Variants in TOMM70 observed in about 807,000 individuals in gnomAD.
The protein encoded by TOMM70 is translocase of outer mitochondrial membrane 70.
A neutral mutation model predicts 73.6 loss-of-function variants in TOMM70; 13 were observed. The ratio of observed to expected loss-of-function variants is 0.18; its 90% confidence interval spans 0.11 to 0.28. The LOEUF is 0.28. TOMM70 is among the 10% of genes least tolerant of loss of function. TOMM70 has a pLI of 1.00. For missense variants in TOMM70, 609 were observed against 747.5 expected, an observed-to-expected ratio of 0.81 and a Z score of 2.16; for synonymous variants, 257 against 271.2, an observed-to-expected ratio of 0.95 and a Z score of 0.51.
rs532818335 is a variant in TOMM70 at position 100,363,954 on chromosome 3, T to C, written c.*1610A>G. The C allele has an allele frequency of 1.1e-4, 17 of 152,292 alleles. No individual in the cohort carries two copies. Among genetic ancestry groups the C allele is most frequent in the African/African-American group, 4.1e-4 (17 of 41,552 alleles). The allele number at this position is 152,292 out of a possible 1,614,324, so 9.4% of individuals were successfully genotyped here. A position where few individuals can be genotyped will look rare whatever the true frequency, so the allele number is the denominator to read the frequency against. ...AAAAAAGATAGCATTTGTAGACAAA[T>C]CTTTTTGGTTTCAACAGAATTAAGC... is the stretch of plus-strand genomic sequence containing the variant. On this transcript the variant is annotated 3_prime_UTR_variant, in exon 12 of 12. Coordinates refer to ENST00000284320, the MANE Select transcript of TOMM70 (RefSeq NM_014820.5).
intron 1 of TOMM70, among the ~76,000 whole-genome samples, chr3:100,391,085 G>A (rs1403734175): frequency 6.6e-6 from 1 of 152,050 alleles, no homozygotes; most frequent in Non-Finnish European, 1.5e-5. Flanking sequence ...CGCTTGCAGT[G>A]AGCCGAGATG....
chr3:100,384,561 C>G lies in TOMM70; in HGVS notation c.653G>C (p.Gly218Ala), dbSNP rs1363383988. ...EDVTAVCILE[G>A]FQNQQSMLLA... ...CAGCATGCTTTGTTGATTTTGGAAC[C>G]CTTCTAATATACACACAGCAGTGAC... Residue 218 changes from glycine to alanine, a missense_variant, in exon 4 of 12, where the codon GGG (glycine) becomes GCG (alanine). By Grantham distance (60) the Gly-to-Ala change is moderately conservative. This residue lies in a region of TOMM70 where 432 missense variants were observed against 584.1 expected (regional missense o/e 0.74). Coordinates refer to ENST00000284320, the MANE Select transcript of TOMM70 (RefSeq NM_014820.5). The G allele has an allele frequency of 6.2e-7, 1 of 1,608,090 alleles. No individual in the cohort carries two copies. The highest frequency in any genetic ancestry group is 8.5e-7 in the Non-Finnish European group (1 of 1,177,902).
intron 9 of TOMM70, chr3:100,372,056 A>G (rs1706515857): frequency 6.6e-6 from 1 of 152,258 alleles, no homozygotes; most frequent in Non-Finnish European, 1.5e-5. Context: ...CGTCACTACA[A>G]GAAGCTAATC....
At position 100,376,369 on chromosome 3, in the gene TOMM70, G is replaced by GTTTTTTTTTTTTTTTTTTTTTT. The variant is rs141227349; in HGVS notation, c.1093-1218_1093-1217insAAAAAAAAAAAAAAAAAAAAAA. Reference sequence around the variant, plus strand: ...CTTGATGGTGTCTTTTCACACAGAAGTTTTTTTTTTTTTTTGAGACAGGAT... The same window carrying GTTTTTTTTTTTTTTTTTTTTTT: ...CTTGATGGTGTCTTTTCACACAGAAGTTTTTTTTTTTTTTTTTTTTTTTTTTTTTTTTTTTTTGAGACAGGAT... On this transcript the variant is annotated intron_variant, in intron 6 of 11. Coordinates refer to ENST00000284320, the MANE Select transcript of TOMM70 (RefSeq NM_014820.5). Among the ~76,000 whole-genome samples the GTTTTTTTTTTTTTTTTTTTTTT allele has an allele frequency of 8.8e-4, 107 of 121,744 alleles. 12 individuals carry two copies. The highest frequency in any genetic ancestry group is 3.6e-3 in the African/African-American group (97 of 27,038). The allele number at this position is 121,744 out of a possible 152,430, so 79.9% of individuals were successfully genotyped here.
chr3:100,395,800 G>C (rs1373252500), intron 1 of TOMM70, among the ~76,000 whole-genome samples: 1 of 152,134 alleles, frequency 6.6e-6, no homozygotes, highest in Non-Finnish European at 1.5e-5. Flanking sequence ...TGGTGAACAA[G>C]ATAGAGCCAG....
chr3:100,387,262 C>T (rs904234480), intron 1 of TOMM70, among the ~76,000 whole-genome samples: 2 of 152,050 alleles, frequency 1.3e-5, no homozygotes, highest in Admixed American at 6.6e-5. Flanking sequence ...GCCTGGGCAA[C>T]GTGTCGGAAC....
At chr3:100,395,176 T>C (rs1472105809) in intron 1 of TOMM70, among the ~76,000 whole-genome samples, 1 of 152,140 alleles carries the variant, frequency 6.6e-6, no homozygotes, top group Non-Finnish European at 1.5e-5. Flanking sequence ...GAGACCATCC[T>C]GGCTAACATG....
At chr3:100,384,325 T>C (rs951830559) in intron 4 of TOMM70, among the ~76,000 whole-genome samples, 154 bp downstream of exon 4, 11 of 152,206 alleles carry the variant, frequency 7.2e-5, no homozygotes, top group African/African-American at 2.7e-4. Flanking sequence ...GGACAAGCCA[T>C]AAAAGCCAAA....
rs1706535842 is a variant in TOMM70, at chr3:100,373,840, C to T, written c.1228-195G>A. 3 of 440,762 alleles carry T rather than the reference C, an allele frequency of 6.8e-6. 1 individual carries two copies. The South Asian group carries it at 8.4e-5, about 12-fold the overall frequency. 27.3% of individuals were successfully genotyped at this position (440,762 alleles called of 1,614,324 possible). The stretch of plus-strand genomic sequence containing the variant: ...GATTCCAAAACATAAAAATGGTATC[C>T]AACTTATAGAAAGGACTACAAGCCA... On this transcript the variant is annotated intron_variant, in intron 7 of 11. Coordinates refer to ENST00000284320, the MANE Select transcript of TOMM70 (RefSeq NM_014820.5).
rs61429707 is a variant in TOMM70 at position 100,383,522 on chromosome 3, C to CAA, written c.735+955_735+956dup. On this transcript the variant is annotated intron_variant, in intron 4 of 11. Transcript: ENST00000284320. ...GGTGACAAAGAAAGAAAAAAACAAA[C>CAA]AAAAAAAAAAAAAACAGAGAGAGAG... Among the ~76,000 whole-genome samples, 59 of 136,708 alleles carry CAA rather than the reference C, an allele frequency of 4.3e-4. 1 individual carries two copies. Among genetic ancestry groups the CAA allele is most frequent in the South Asian group, 4.6e-4 (2 of 4,314 alleles). 89.7% of individuals were successfully genotyped at this position (136,708 alleles called of 152,430 possible). A position where few individuals can be genotyped will look rare whatever the true frequency, so the allele number is the denominator to read the frequency against.
At chr3:100,396,943 G>C (rs1341795636) in intron 1 of TOMM70, among the ~76,000 whole-genome samples, 1 of 152,170 alleles carries the variant, frequency 6.6e-6, no homozygotes, top group Non-Finnish European at 1.5e-5. Context: ...ATAGACAGAA[G>C]TCCAGTAATT....
intron 6 of TOMM70, among the ~76,000 whole-genome samples, chr3:100,375,862 C>T (rs1015291681): frequency 1.3e-5 from 2 of 152,016 alleles, no homozygotes; most frequent in African/African-American, 4.8e-5. Context: ...TGTTAACGAA[C>T]GTATTAAATT....
intron 3 of TOMM70, 93 bp downstream of exon 3, chr3:100,386,125 G>A (rs906042759): frequency 7.2e-7 from 1 of 1,396,480 alleles, no homozygotes; most frequent in East Asian, 2.3e-5. Flanking sequence ...AAAAACAACT[G>A]ATTCTTGCAC....
chr3:100,393,396 A>G (rs1706785629), intron 1 of TOMM70, among the ~76,000 whole-genome samples: 1 of 152,140 alleles, frequency 6.6e-6, no homozygotes, highest in Non-Finnish European at 1.5e-5. Flanking sequence ...GCTAAACTGC[A>G]GGTACACAAA....
intron 1 of TOMM70, among the ~76,000 whole-genome samples, chr3:100,388,225 GAAACACCCACA>G (rs1370844907): frequency 1.3e-5 from 2 of 152,174 alleles, no homozygotes; most frequent in African/African-American, 4.8e-5. Flanking sequence ...GACTGACAGA[GAAACACCCACA>G]AAACACCCAC....
In TOMM70 at chr3:100,369,100, A is replaced by C. The variant is rs1290166283; in HGVS notation, c.1488T>G (p.Asp496Glu). The C allele has an allele frequency of 6.2e-7, 1 of 1,613,574 alleles. No individual in the cohort carries two copies. Among genetic ancestry groups the C allele is most frequent in the Non-Finnish European group, 8.5e-7 (1 of 1,179,744 alleles). ...LTDQQQFGKA[D>E]EMYDKCIDLE... is the part of the protein sequence containing the mutation. Reference sequence around the variant, plus strand: ...AATCAATACATTTATCATACATTTCATCAGCTTTACCAAACTGTTGTTGAT... The same window carrying C: ...AATCAATACATTTATCATACATTTCCTCAGCTTTACCAAACTGTTGTTGAT... The change falls in exon 10 of 12, where the codon GAT becomes GAG. Residue 496 changes from aspartate to glutamate, a missense_variant. This residue lies in a region of TOMM70 where 432 missense variants were observed against 584.1 expected (regional missense o/e 0.74). Transcript: ENST00000284320.
In TOMM70 at chr3:100,381,755, T is replaced by C; in HGVS notation, c.744A>G (p.Glu248=). Residue 248 remains glutamate, a synonymous_variant, in exon 5 of 12, where the codon GAA becomes GAG. Transcript: ENST00000284320. ...EKAKEKYKNR[E]PLMPSPQFIK... Reference sequence around the variant, plus strand: ...TAAACTGTGGAGATGGCATCAGAGGTTCACGATTCTGAAATTTAGTCATGT... The same window carrying C: ...TAAACTGTGGAGATGGCATCAGAGGCTCACGATTCTGAAATTTAGTCATGT... The C allele has an allele frequency of 6.3e-7, 1 of 1,595,002 alleles. No individual in the cohort carries two copies. The highest frequency in any genetic ancestry group is 8.6e-7 in the Non-Finnish European group (1 of 1,169,122).
chr3:100,376,369 G>GTTTT (rs141227349), intron 6 of TOMM70, among the ~76,000 whole-genome samples: 1,531 of 121,748 alleles, frequency 0.013, 175 homozygotes, highest in African/African-American at 0.053. Context: ...TCACACAGAA[G>GTTTT]TTTTTTTTTT....
rs770592077 is a variant in TOMM70, at chr3:100,400,629, G to A, written c.321C>T (p.Asp107=). 1 of 1,610,758 alleles carries A rather than the reference G, an allele frequency of 6.2e-7. No individual in the cohort carries two copies. Among genetic ancestry groups the A allele is most frequent in the African/African-American group, 1.3e-5 (1 of 74,608 alleles). ...ACGGCCTGGGGCTGCTTCTCACCAT[G>A]TCCAAGTGAGCACCGGGACCTTCAG... is the stretch of plus-strand genomic sequence containing the variant. ...GHPEGPGAHL[D]MNSLDRAQAA... The change falls in exon 1 of 12, where the codon GAC becomes GAT. Residue 107 remains aspartate, a synonymous_variant. Transcript: ENST00000284320.
Sources: gnomAD v4.1 joint callset for allele counts (sites outside exome capture counted in the v4.1 genomes callset) on GRCh38, gnomAD v4.1.1 for gene constraint, gnomAD v4.1.1 regional missense constraint, MANE v1.5 for transcripts, NCBI Gene and HGNC (gene_info 2026-07-23, HGNC 2026-07-21) for gene names.